The following URI1 variants were observed in gnomAD, a reference collection of about 807,000 sequenced individuals.
URI1 encodes unconventional prefoldin RPB5 interactor 1.
URI1 carries 39 observed loss-of-function variants against 60.2 expected under a neutral mutation model. The ratio of observed to expected loss-of-function variants is 0.65; its 90% CI spans 0.50 to 0.85. The LOEUF (loss-of-function observed/expected upper bound fraction) is 0.85, where lower values mean the gene tolerates loss of function less well. Ranked by LOEUF, URI1 falls within the 40% of genes least tolerant of loss-of-function variation. The probability of loss-of-function intolerance (pLI) is 0.00; values close to 1 mark genes in which losing one functional copy is unlikely to be tolerated. For missense variants in URI1, 691 were observed against 665.9 expected, an observed-to-expected ratio of 1.04 and a Z score of -0.42; for synonymous variants, 251 against 236.8, an observed-to-expected ratio of 1.06 and a Z score of -0.55.
At chr19:29,956,546 T>A in intron 1 of URI1, 1 of 1,533,944 alleles carries the variant, frequency 6.5e-7, no homozygotes, top group Admixed American at 1.7e-5. Context: ...TCAGTGTCAT[T>A]TCCTTCAAGG....
intron 1 of URI1, among the ~76,000 whole-genome samples, chr19:29,946,483 C>T (rs1370158631): frequency 2.0e-5 from 3 of 151,902 alleles, no homozygotes; most frequent in African/African-American, 7.3e-5. Context: ...TTTTTATAGG[C>T]TTATTTGCAG....
At chr19:29,941,387 G>A (rs2055022018), upstream of URI1, among the ~76,000 whole-genome samples, 1 of 152,108 alleles carries the variant, frequency 6.6e-6, no homozygotes, top group African/African-American at 2.4e-5. Context: ...CAAGACAGGA[G>A]GTTAGCTAAG....
At chr19:29,987,420 A>G (rs950501949) in intron 4 of URI1, among the ~76,000 whole-genome samples, 1 of 152,172 alleles carries the variant, frequency 6.6e-6, no homozygotes, top group Non-Finnish European at 1.5e-5. Flanking sequence ...ATTGATATAT[A>G]TTTTGATCTT....
intron 10 of URI1, chr19:30,014,179 A>G (rs1007314043): frequency 1.3e-5 from 2 of 152,162 alleles, no homozygotes; most frequent in African/African-American, 4.8e-5. Context: ...ATTCTGTTCC[A>G]GTTGAACATA....
At chr19:29,954,784 CTAGG>C (rs1260573439) in intron 1 of URI1, among the ~76,000 whole-genome samples, 1 of 152,076 alleles carries the variant, frequency 6.6e-6, no homozygotes, top group Non-Finnish European at 1.5e-5. Context: ...TCCCAAAGTG[CTAGG>C]ATTACAGGTG....
intron 4 of URI1, 117 bp from the exon 5 acceptor site, chr19:30,005,244 T>A: frequency 1.7e-6 from 1 of 599,180 alleles, no homozygotes; most frequent in South Asian, 2.5e-5. Flanking sequence ...TAGTGTAAGA[T>A]TTTTGAAAAG....
Position 29,942,674 on chromosome 19 carries a change from A to G in URI1, c.117+10A>G. On this transcript the variant is annotated intron_variant, in intron 1 of 10. Coordinates refer to ENST00000392271, the MANE Select transcript of URI1 (RefSeq NM_003796.3). Reference sequence around the variant, plus strand: ...CGAGGAGCAGGAAAAGGTAACTAGCAGCCCCGCGCCGCTTCCGCCTCCGCC... The same window carrying G: ...CGAGGAGCAGGAAAAGGTAACTAGCGGCCCCGCGCCGCTTCCGCCTCCGCC... 7.2e-7 allele frequency: 1 copy of G among 1,380,970 alleles called. No homozygotes were observed. The highest frequency in any genetic ancestry group is 9.4e-7 in the Non-Finnish European group (1 of 1,068,134). 85.5% of individuals were successfully genotyped at this position (1,380,970 alleles called of 1,614,324 possible).
rs565121484 is a variant in URI1, at chr19:29,971,107, A to G, written c.118-86A>G. 117 of 1,272,990 alleles carry G rather than the reference A, an allele frequency of 9.2e-5. 3 individuals carry two copies. The South Asian group carries it at 1.4e-3, about 15-fold the overall frequency. 78.9% of individuals were successfully genotyped at this position (1,272,990 alleles called of 1,614,324 possible). On this transcript the variant is annotated intron_variant, in intron 1 of 10. Transcript: ENST00000392271. ...GAGATGCTATTAAATCTGTAAAGCCAATGTTCTAGTTTTCAGATACACTGA... is the reference window on the plus strand; with the variant it reads ...GAGATGCTATTAAATCTGTAAAGCCGATGTTCTAGTTTTCAGATACACTGA...
At chr19:29,961,664 CTTTTTTTTTTGTTTTT>C (rs971579582) in intron 1 of URI1, among the ~76,000 whole-genome samples, 11 of 109,272 alleles carry the variant, frequency 1.0e-4, no homozygotes, top group East Asian at 2.9e-4. Flanking sequence ...GCTTTTGATT[CTTTTTTTTTTGTTTTT>C]TTTTTTTTTT....
intron 1 of URI1, among the ~76,000 whole-genome samples, 172 bp downstream of exon 1, chr19:29,942,836 C>T (rs1207406888): frequency 1.3e-5 from 2 of 152,276 alleles, no homozygotes; most frequent in East Asian, 3.9e-4. Context: ...TTTGACTTCG[C>T]AGCGGAGTGA....
At chr19:29,956,427 C>T in intron 1 of URI1, 1 of 1,570,816 alleles carries the variant, frequency 6.4e-7, no homozygotes, top group Admixed American at 1.7e-5. Flanking sequence ...CATCAACCTG[C>T]TGAACAGTTC....
At chr19:29,987,334 G>A (rs1438409861) in intron 4 of URI1, among the ~76,000 whole-genome samples, 1 of 152,084 alleles carries the variant, frequency 6.6e-6, no homozygotes, top group African/African-American at 2.4e-5. Flanking sequence ...GAGTACTAGA[G>A]AACTCATTTA....
chr19:30,014,791 A>T, intron 10 of URI1, 96 bp from the exon 11 acceptor site: 1 of 1,257,002 alleles, frequency 8.0e-7, no homozygotes, highest in Non-Finnish European at 1.1e-6. Context: ...TCGTGAATTT[A>T]CTTTTAATGA....
At position 29,942,443 on chromosome 19, in the gene URI1, G is replaced by A; in HGVS notation, c.-105G>A. ...GCGGCCTCCTGGGCGCGGGGCGCGC[G>A]GTGCCTGAGGGCGGGCGCGCGGGCG... On this transcript the variant is annotated 5_prime_UTR_variant, in exon 1 of 11. Transcript: ENST00000392271. 1.0e-6 allele frequency: 1 copy of A among 993,580 alleles called. No individual in the cohort carries two copies. The allele number at this position is 993,580 out of a possible 1,614,324, so 61.5% of individuals were successfully genotyped here. A position where few individuals can be genotyped will look rare whatever the true frequency, so the allele number is the denominator to read the frequency against.
At chr19:29,956,987 A>G (rs1283101571) in intron 1 of URI1, 4 of 809,910 alleles carry the variant, frequency 4.9e-6, no homozygotes, top group South Asian at 1.4e-5. Flanking sequence ...AATGGTCTTC[A>G]TTCTCACAGT....
intron 1 of URI1, among the ~76,000 whole-genome samples, chr19:29,946,534 T>G (rs1347062715): frequency 6.6e-6 from 1 of 152,214 alleles, no homozygotes; most frequent in Admixed American, 6.5e-5. Context: ...ATAATATATT[T>G]ATAATTGAGT....
At chr19:29,930,494 T>C (rs2054907083) in intron 1 of URI1, among the ~76,000 whole-genome samples, 1 of 152,070 alleles carries the variant, frequency 6.6e-6, no homozygotes, top group Non-Finnish European at 1.5e-5. Flanking sequence ...ATATCCAGCT[T>C]CCTTGGCACC....
Position 29,991,344 on chromosome 19 carries a change from A to C in URI1, c.367+4927A>C, listed in dbSNP as rs78028960. ...ATGCGTTTTGTTAGGTTTATATCTA[A>C]GTGTTTCACCTTTTGTGGAGCTGTT... On this transcript the variant is annotated intron_variant, in intron 4 of 10. Coordinates refer to ENST00000392271, the MANE Select transcript of URI1 (RefSeq NM_003796.3). Among the ~76,000 whole-genome samples, 112 of 152,284 alleles carry C rather than the reference A, an allele frequency of 7.4e-4. 1 individual carries two copies. The East Asian group carries it at 0.018, about 24-fold the overall frequency.
At chr19:30,013,835 T>C (rs1179448350) in intron 10 of URI1, among the ~76,000 whole-genome samples, 1 of 152,156 alleles carries the variant, frequency 6.6e-6, no homozygotes, top group Non-Finnish European at 1.5e-5. Flanking sequence ...AAGTAAGCTT[T>C]AAGCTGCTTT....
Sources: gnomAD v4.1 joint callset for allele counts (sites outside exome capture counted in the v4.1 genomes callset) on GRCh38, gnomAD v4.1.1 for gene constraint, MANE v1.5 for transcripts, NCBI Gene and HGNC (gene_info 2026-07-23, HGNC 2026-07-21) for gene names.